The following TRPC5 variants were observed in gnomAD, a reference collection of about 807,000 sequenced individuals.
The protein encoded by TRPC5 is transient receptor potential cation channel subfamily C member 5.
In TRPC5, 9 loss-of-function variants were observed where a neutral mutation model predicts 56.5. That is an observed-to-expected ratio of 0.16 (90% confidence interval 0.10 to 0.28). The LOEUF (loss-of-function observed/expected upper bound fraction) is 0.28, where lower values mean the gene tolerates loss of function less well. TRPC5 is among the 10% of genes least tolerant of loss of function. The probability of loss-of-function intolerance (pLI) is 1.00; values close to 1 mark genes in which losing one functional copy is unlikely to be tolerated. For missense variants in TRPC5, 469 were observed against 748.9 expected (o/e 0.63, Z 4.36); for synonymous variants, 282 against 278.5 (o/e 1.01, Z -0.13).
intron 7 of TRPC5, among the ~76,000 whole-genome samples, chrX:111,784,546 A>T (rs1305498270): frequency 3.6e-5 from 4 of 111,758 alleles, no homozygotes; most frequent in Non-Finnish European, 5.6e-5. Context: ...AACTGAGGTA[A>T]CTGGTTCATC....
At chrX:111,828,883 G>A (rs1182216238) in intron 7 of TRPC5, among the ~76,000 whole-genome samples, 1 of 112,196 alleles carries the variant, frequency 8.9e-6, no homozygotes, top group Non-Finnish European at 1.9e-5. Flanking sequence ...GTTTGCTTTA[G>A]CAAAGACACT....
In TRPC5 at chrX:111,791,661, C is replaced by G. The variant is rs757336073; in HGVS notation, c.1897-9523G>C. On this transcript the variant is annotated intron_variant, in intron 7 of 10. Transcript: ENST00000262839. The stretch of plus-strand genomic sequence containing the variant: ...CATATCACTGCAGCAGACTAAGGGA[C>G]CTACTTTACAGCAAAGGACACACAG... Among the ~76,000 whole-genome samples the G allele has an allele frequency of 2.7e-5, 3 of 112,041 alleles. No individual in the cohort carries two copies. In the South Asian group the frequency reaches 1.1e-3, roughly 42 times the overall value.
intron 1 of TRPC5, among the ~76,000 whole-genome samples, chrX:112,017,913 T>C (rs1373619647): frequency 1.8e-5 from 2 of 112,103 alleles, no homozygotes; most frequent in African/African-American, 6.5e-5. Context: ...TAGTATGAAG[T>C]GAGATACATA....
chrX:111,825,554 G>A (rs565937269), intron 7 of TRPC5, among the ~76,000 whole-genome samples: 8 of 110,616 alleles, frequency 7.2e-5, no homozygotes, highest in African/African-American at 2.0e-4. Flanking sequence ...CACTGCACCC[G>A]GCCCACTCTA....
intron 1 of TRPC5, among the ~76,000 whole-genome samples, chrX:112,080,395 T>TACAC (rs201063739): frequency 0.078 from 6,192 of 79,048 alleles, 220 homozygotes; most frequent in African/African-American, 0.14. Flanking sequence ...AAAAACTACA[T>TACAC]ACACACACAC....
At chrX:111,920,715 CA>C (rs1369735376) in intron 2 of TRPC5, among the ~76,000 whole-genome samples, 1 of 110,462 alleles carries the variant, frequency 9.1e-6, no homozygotes. Context: ...TGGCATTAGC[CA>C]AAAAAAATGA....
intron 1 of TRPC5, among the ~76,000 whole-genome samples, chrX:112,060,550 G>A (rs1930436740): frequency 9.0e-6 from 1 of 111,561 alleles, no homozygotes; most frequent in African/African-American, 3.3e-5. Flanking sequence ...CTTTTCTGAG[G>A]TTATCTGAGG....
intron 7 of TRPC5, among the ~76,000 whole-genome samples, chrX:111,794,895 G>A (rs940038325): frequency 2.7e-5 from 3 of 111,382 alleles, no homozygotes; most frequent in African/African-American, 9.8e-5. Context: ...GGGGGAGGGG[G>A]ACACAAAACA....
intron 1 of TRPC5, among the ~76,000 whole-genome samples, chrX:112,032,390 T>C (rs1929609698): frequency 9.0e-6 from 1 of 111,320 alleles, no homozygotes; most frequent in Non-Finnish European, 1.9e-5. Flanking sequence ...GTAATTCCAC[T>C]ATTGGATATG....
At chrX:111,986,536 C>T (rs1408959301) in intron 1 of TRPC5, among the ~76,000 whole-genome samples, 2 of 110,613 alleles carry the variant, frequency 1.8e-5, no homozygotes, top group African/African-American at 6.6e-5. Flanking sequence ...TCAGCATTGT[C>T]CTGCACAGCA....
intron 3 of TRPC5, among the ~76,000 whole-genome samples, chrX:111,872,352 G>A (rs547014603): frequency 2.3e-4 from 26 of 111,828 alleles, no homozygotes; most frequent in Admixed American, 4.7e-4. Context: ...GGTAGTAGGC[G>A]GTAGGGATGG....
intron 3 of TRPC5, among the ~76,000 whole-genome samples, chrX:111,880,774 A>C (rs762852130): frequency 1.6e-3 from 181 of 112,484 alleles, no homozygotes; most frequent in African/African-American, 5.5e-3. Flanking sequence ...CCAGTCTTTC[A>C]TCACTAGGAA....
At chrX:112,069,954 C>G (rs1243622920) in intron 1 of TRPC5, among the ~76,000 whole-genome samples, 1 of 112,124 alleles carries the variant, frequency 8.9e-6, no homozygotes, top group Non-Finnish European at 1.9e-5. Context: ...GTATCATTCT[C>G]TCTCCACAAA....
In TRPC5 at chrX:111,831,994, A is replaced by T. The variant is rs760562065; in HGVS notation, c.1896+2927T>A. ...AGCAGTGACAAGGTAGATGTATTTT[A>T]AAAAGTGTCATTGAGAGTAATAAGG... On this transcript the variant is annotated intron_variant, in intron 7 of 10. Transcript: ENST00000262839. Among the ~76,000 whole-genome samples the T allele has an allele frequency of 5.4e-5, 6 of 111,888 alleles. No individual in the cohort carries two copies. In the South Asian group the frequency reaches 2.3e-3, roughly 42 times the overall value.
intron 1 of TRPC5, among the ~76,000 whole-genome samples, chrX:112,025,085 T>A (rs1484298383): frequency 8.9e-6 from 1 of 112,168 alleles, no homozygotes; most frequent in Non-Finnish European, 1.9e-5. Flanking sequence ...TTCTTTGGTG[T>A]CTTTTAAATA....
chrX:112,045,230 C>A (rs1275257392), intron 1 of TRPC5, among the ~76,000 whole-genome samples: 1 of 111,519 alleles, frequency 9.0e-6, no homozygotes, highest in Non-Finnish European at 1.9e-5. Flanking sequence ...ATCACATGTA[C>A]CTTATAACAG....
intron 1 of TRPC5, among the ~76,000 whole-genome samples, chrX:111,969,742 A>G (rs1490463146): frequency 3.6e-5 from 4 of 111,361 alleles, no homozygotes; most frequent in African/African-American, 1.3e-4. Context: ...GGCAATATTT[A>G]GAAAGAGAGG....
At chrX:111,818,958 T>G (rs1921948682) in intron 7 of TRPC5, among the ~76,000 whole-genome samples, 1 of 111,830 alleles carries the variant, frequency 8.9e-6, no homozygotes, top group Admixed American at 9.5e-5. Flanking sequence ...TGGGTTCCAT[T>G]ACTGTTTCCA....
chrX:111,918,822 G>A (rs73266321), intron 2 of TRPC5, among the ~76,000 whole-genome samples: 4,595 of 111,267 alleles, frequency 0.041, 103 homozygotes, highest in Middle Eastern at 0.084. Context: ...GCTGAATGGT[G>A]ACCAGCTGTG....
Sources: gnomAD v4.1 joint callset for allele counts (sites outside exome capture counted in the v4.1 genomes callset) on GRCh38, gnomAD v4.1.1 for gene constraint, MANE v1.5 for transcripts, NCBI Gene and HGNC (gene_info 2026-07-23, HGNC 2026-07-21) for gene names.